KLHL20: variants seen among roughly 807,000 people sequenced by gnomAD.
KLHL20 encodes kelch like family member 20.
Under a neutral mutation model 69.5 loss-of-function variants are expected in KLHL20, and 29 were observed. The ratio of observed to expected loss-of-function variants is 0.42; its 90% CI spans 0.31 to 0.57. The LOEUF (loss-of-function observed/expected upper bound fraction) is 0.57. Among genes scored for constraint, KLHL20 ranks in the 20% least tolerant of loss-of-function variants. The pLI, the probability that KLHL20 is intolerant of heterozygous loss-of-function variation, is 0.18. For synonymous variants in KLHL20, 253 were observed against 265.2 expected (o/e 0.95, Z 0.45); for missense variants, 419 against 776.0 (o/e 0.54, Z 5.47).
chr1:173,737,986 G>A (rs1466120059), intron 3 of KLHL20, among the ~76,000 whole-genome samples: 1 of 149,834 alleles, frequency 6.7e-6, no homozygotes, highest in East Asian at 1.9e-4. Context: ...AAAAGGGGTT[G>A]GGTTCTTGAT....
chr1:173,746,196 A>G (rs947873897), intron 3 of KLHL20, among the ~76,000 whole-genome samples: 3 of 152,234 alleles, frequency 2.0e-5, no homozygotes, highest in Non-Finnish European at 4.4e-5. Context: ...ATTCGCTAAT[A>G]TTCAGTATTT....
At chr1:173,715,177 G>T (rs1040980847) in intron 1 of KLHL20, 99 bp downstream of exon 1, 1 of 152,400 alleles carries the variant, frequency 6.6e-6, no homozygotes, top group South Asian at 2.1e-4. Flanking sequence ...GCCCCATGGG[G>T]TCAGGTCGGT....
At chr1:173,758,917 A>G (rs1673671226) in intron 7 of KLHL20, among the ~76,000 whole-genome samples, 1 of 152,198 alleles carries the variant, frequency 6.6e-6, no homozygotes, top group South Asian at 2.1e-4. Flanking sequence ...TGCAGACTTC[A>G]CCGGCAGGGG....
intron 2 of KLHL20, among the ~76,000 whole-genome samples, chr1:173,732,214 GT>G (rs1672318253): frequency 6.6e-6 from 1 of 150,912 alleles, no homozygotes; most frequent in East Asian, 1.9e-4. Flanking sequence ...AAAAAAACCA[GT>G]GTGATGGCAT....
At chr1:173,784,248 G>A (rs1050234044) in intron 11 of KLHL20, among the ~76,000 whole-genome samples, 2 of 152,140 alleles carry the variant, frequency 1.3e-5, no homozygotes, top group Non-Finnish European at 2.9e-5. Flanking sequence ...AGGTGTTCAG[G>A]GAAGGCCTCA....
intron 5 of KLHL20, 88 bp downstream of exon 5, chr1:173,753,395 G>GT: frequency 2.1e-6 from 2 of 958,838 alleles, no homozygotes; most frequent in Non-Finnish European, 3.3e-6. Context: ...CCTAAATATT[G>GT]TATTTTGCAG....
At chr1:173,779,468 A>G (rs758963570) in intron 10 of KLHL20, among the ~76,000 whole-genome samples, 26 of 150,844 alleles carry the variant, frequency 1.7e-4, no homozygotes, top group Non-Finnish European at 3.1e-4. Flanking sequence ...CTCCTGCTTC[A>G]GCCTCCCGAG....
intron 2 of KLHL20, among the ~76,000 whole-genome samples, chr1:173,720,429 G>T (rs536985302): frequency 6.6e-6 from 1 of 152,000 alleles, no homozygotes; most frequent in African/African-American, 2.4e-5. Context: ...GAGGAAGAAG[G>T]GGAAGTAGAA....
At position 173,734,321 on chromosome 1, in the gene KLHL20, G is replaced by T. The variant is rs1167955539; in HGVS notation, c.597+35G>T. 5 of 1,575,518 alleles carry T rather than the reference G, an allele frequency of 3.2e-6. No individual in the cohort carries two copies. In the African/African-American group the frequency reaches 6.7e-5, roughly 21 times the overall value. ...ACTTGGTGTTCCAATGCACCCATTT[G>T]TTGGAGAGCAATATGGGTTCACATT... On this transcript the variant is annotated intron_variant, in intron 3 of 11. Coordinates refer to ENST00000209884, the MANE Select transcript of KLHL20 (RefSeq NM_014458.4).
intron 3 of KLHL20, among the ~76,000 whole-genome samples, chr1:173,747,656 A>T (rs1673125075): frequency 6.6e-6 from 1 of 151,960 alleles, no homozygotes; most frequent in Non-Finnish European, 1.5e-5. Flanking sequence ...GCTCTGACTG[A>T]TATGTTTGTT....
At chr1:173,772,751 T>C (rs1397641651) in intron 8 of KLHL20, among the ~76,000 whole-genome samples, 6 of 152,208 alleles carry the variant, frequency 3.9e-5, no homozygotes, top group Non-Finnish European at 1.5e-5. Flanking sequence ...CCTTCTTTAG[T>C]CTTGTTAAAG....
chr1:173,765,159 TAAA>T (rs957290320), intron 7 of KLHL20, among the ~76,000 whole-genome samples: 2 of 151,628 alleles, frequency 1.3e-5, no homozygotes, highest in African/African-American at 4.9e-5. Flanking sequence ...CAACGAAATT[TAAA>T]AAAAAGATAT....
chr1:173,733,655 G>A, intron 2 of KLHL20, 58 bp from the exon 3 acceptor site: 1 of 1,320,658 alleles, frequency 7.6e-7, no homozygotes, highest in Admixed American at 2.2e-5. Context: ...CATTTAAGGG[G>A]AGAAAAGAGC....
chr1:173,777,418 A>G (rs1180154957), intron 10 of KLHL20, among the ~76,000 whole-genome samples: 2 of 152,024 alleles, frequency 1.3e-5, no homozygotes, highest in Non-Finnish European at 2.9e-5. Flanking sequence ...CTTTTGTCCC[A>G]TTGCTCTACC....
intron 7 of KLHL20, among the ~76,000 whole-genome samples, chr1:173,758,551 GC>G (rs550298153): frequency 6.6e-6 from 1 of 152,178 alleles, no homozygotes; most frequent in Non-Finnish European, 1.5e-5. Flanking sequence ...TATTGGGAGT[GC>G]CCCAACTGCA....
At position 173,757,030 on chromosome 1, in the gene KLHL20, A is replaced by C; in HGVS notation, c.1022A>C (p.Gln341Pro). The C allele has an allele frequency of 6.2e-7, 1 of 1,614,218 alleles. No individual in the cohort carries two copies. Among genetic ancestry groups the C allele is most frequent in the Non-Finnish European group, 8.5e-7 (1 of 1,180,030 alleles). Reference sequence around the variant, plus strand: ...TCCAGTGTTGAACGATATGATCCACAGACCAATGAATGGAGAATGGTGGCT... The same window carrying C: ...TCCAGTGTTGAACGATATGATCCACCGACCAATGAATGGAGAATGGTGGCT... ...AISSVERYDP[Q>P]TNEWRMVASM... The change falls in exon 7 of 12, where the codon CAG (glutamine) becomes CCG (proline). Residue 341 changes from glutamine (Q) to proline (P), a missense_variant. Gln to Pro is a moderately conservative substitution (Grantham distance 76). This residue lies in a region of KLHL20 where 24 missense variants were observed against 22.5 expected (regional missense o/e 1.07). Coordinates refer to ENST00000209884, the MANE Select transcript of KLHL20 (RefSeq NM_014458.4).
chr1:173,763,394 T>C (rs531008075), intron 7 of KLHL20, among the ~76,000 whole-genome samples: 2 of 152,126 alleles, frequency 1.3e-5, no homozygotes, highest in South Asian at 4.1e-4. Flanking sequence ...AATTATAAAG[T>C]TCATATGGAA....
chr1:173,742,605 G>A (rs890021570), intron 3 of KLHL20, among the ~76,000 whole-genome samples: 3 of 151,236 alleles, frequency 2.0e-5, no homozygotes, highest in South Asian at 4.2e-4. Flanking sequence ...GGATATATAC[G>A]TATATATACG....
chr1:173,782,048 T>A (rs1335041082), intron 10 of KLHL20, 76 bp from the exon 11 acceptor site: 10 of 991,474 alleles, frequency 1.0e-5, no homozygotes, highest in Non-Finnish European at 1.6e-5. Flanking sequence ...GTAAATAGAT[T>A]TATCTAGAAA....
Sources: allele counts gnomAD v4.1 joint callset (sites outside exome capture counted in the v4.1 genomes callset), GRCh38; gene constraint gnomAD v4.1.1; regional missense constraint gnomAD v4.1.1; transcripts MANE v1.5; gene names NCBI Gene and HGNC (gene_info 2026-07-23, HGNC 2026-07-21).